GRM7: variants seen among roughly 807,000 people sequenced by gnomAD.
GRM7 encodes glutamate metabotropic receptor 7, also known as metabotropic glutamate receptor 7.
Under a neutral mutation model 84.5 loss-of-function variants are expected in GRM7, and 35 were observed. The observed-to-expected ratio is 0.41, with a 90% confidence interval of 0.32 to 0.55. The LOEUF is 0.55. GRM7 is among the 20% of genes least tolerant of loss of function. The pLI is 0.19. For synonymous variants in GRM7, 487 were observed against 455.1 expected, an observed-to-expected ratio of 1.07 and a Z score of -0.89; for missense variants, 1,003 against 1,194.6, an observed-to-expected ratio of 0.84 and a Z score of 2.36.
intron 3 of GRM7, among the ~76,000 whole-genome samples, chr3:7,301,873 A>G (rs1339143597): frequency 6.6e-6 from 1 of 152,130 alleles, no homozygotes; most frequent in Non-Finnish European, 1.5e-5. Flanking sequence ...GGAAAATTTG[A>G]GGTTTCTTGG....
chr3:7,345,170 T>C (rs1692834219), intron 4 of GRM7, among the ~76,000 whole-genome samples: 1 of 152,138 alleles, frequency 6.6e-6, no homozygotes, highest in Non-Finnish European at 1.5e-5. Context: ...AATTTTCCAT[T>C]ATAAATATCC....
chr3:7,640,279 C>T (rs17724199), intron 8 of GRM7, among the ~76,000 whole-genome samples: 23,789 of 152,134 alleles, frequency 0.16, 1,999 homozygotes, highest in Non-Finnish European at 0.18. Flanking sequence ...AACTACATGC[C>T]ACTGGGACAG....
intron 2 of GRM7, among the ~76,000 whole-genome samples, chr3:7,294,096 A>T (rs937744564): frequency 3.3e-5 from 5 of 152,194 alleles, no homozygotes; most frequent in African/African-American, 1.2e-4. Context: ...CCTGCGGGCA[A>T]TTCCCCGTAA....
At chr3:7,224,632 A>T (rs891441123) in intron 2 of GRM7, among the ~76,000 whole-genome samples, 1 of 152,220 alleles carries the variant, frequency 6.6e-6, no homozygotes, top group African/African-American at 2.4e-5. Flanking sequence ...AGAAAATTGT[A>T]TTCTTTCAAA....
At chr3:6,958,187 C>G (rs1038374183) in intron 1 of GRM7, among the ~76,000 whole-genome samples, 4 of 151,374 alleles carry the variant, frequency 2.6e-5, no homozygotes, top group African/African-American at 7.3e-5. Flanking sequence ...ATCTTTGTTA[C>G]TCTCTATATA....
At chr3:7,187,296 C>A (rs1185892400) in intron 2 of GRM7, among the ~76,000 whole-genome samples, 1 of 152,152 alleles carries the variant, frequency 6.6e-6, no homozygotes, top group Non-Finnish European at 1.5e-5. Context: ...TCATGAGACA[C>A]AATATTCCCT....
At chr3:7,694,327 C>CAAATT in intron 9 of GRM7, 1 of 436,290 alleles carries the variant, frequency 2.3e-6, no homozygotes, top group Non-Finnish European at 3.0e-6. Context: ...GGCGTCATCT[C>CAAATT]AAATTAACTG....
At chr3:7,495,105 G>A (rs1418583704) in intron 7 of GRM7, among the ~76,000 whole-genome samples, 1 of 152,072 alleles carries the variant, frequency 6.6e-6, no homozygotes, top group Non-Finnish European at 1.5e-5. Context: ...TTAAAATTTG[G>A]CATGTGGGTG....
In GRM7 at chr3:6,949,045, G is replaced by A. The variant is rs551816615; in HGVS notation, c.519+87138G>A. Among the ~76,000 whole-genome samples, 50 of 145,934 alleles carry A rather than the reference G, an allele frequency of 3.4e-4. 1 individual carries two copies. The East Asian group carries it at 0.01, about 30-fold the overall frequency. On this transcript the variant is annotated intron_variant, in intron 1 of 9. Coordinates refer to ENST00000357716, the MANE Select transcript of GRM7 (RefSeq NM_000844.4). ...CTGTGTCTTTTAATTGGAGCATTTA[G>A]CCCATTTACATTTAAGGTTAGTATT... is the stretch of plus-strand genomic sequence containing the variant.
chr3:7,414,886 A>T (rs1476958162), intron 4 of GRM7, 137 bp from the exon 5 acceptor site: 39 of 454,236 alleles, frequency 8.6e-5, no homozygotes, highest in East Asian at 1.6e-4. Context: ...CCTTCTGTTA[A>T]TTTTTTTTTT....
intron 2 of GRM7, among the ~76,000 whole-genome samples, chr3:7,292,564 A>G (rs1292912673): frequency 6.6e-6 from 1 of 152,160 alleles, no homozygotes; most frequent in African/African-American, 2.4e-5. Flanking sequence ...TTAGAATAGC[A>G]TCAACATGTA....
intron 7 of GRM7, among the ~76,000 whole-genome samples, chr3:7,565,700 G>A (rs1694226452): frequency 6.6e-6 from 1 of 152,156 alleles, no homozygotes; most frequent in African/African-American, 2.4e-5. Context: ...GATTAGACCT[G>A]CACATTAAAA....
intron 1 of GRM7, among the ~76,000 whole-genome samples, chr3:7,018,905 T>C (rs12107544): frequency 0.082 from 12,499 of 152,224 alleles, 1,716 homozygotes; most frequent in African/African-American, 0.28. Flanking sequence ...GAGACCAGCC[T>C]GGCCAGCATG....
chr3:7,697,279 T>C (rs1390847721), intron 9 of GRM7, among the ~76,000 whole-genome samples: 1 of 152,134 alleles, frequency 6.6e-6, no homozygotes. Flanking sequence ...TTATGTAACA[T>C]TTTATAGTTT....
intron 2 of GRM7, among the ~76,000 whole-genome samples, chr3:7,282,334 A>T (rs1244099980): frequency 6.6e-6 from 1 of 152,122 alleles, no homozygotes; most frequent in East Asian, 1.9e-4. Flanking sequence ...CCTCCTCGAA[A>T]CTCTTGAGAA....
chr3:7,455,315 A>G (rs968884234), intron 6 of GRM7, among the ~76,000 whole-genome samples: 2 of 152,294 alleles, frequency 1.3e-5, no homozygotes, highest in South Asian at 2.1e-4. Flanking sequence ...TGCTAAAAGT[A>G]TTGGGTTACA....
intron 4 of GRM7, among the ~76,000 whole-genome samples, chr3:7,309,423 G>A (rs536483175): frequency 6.6e-6 from 1 of 152,106 alleles, no homozygotes; most frequent in East Asian, 1.9e-4. Flanking sequence ...TTCCTGTTTT[G>A]CAGATGTTTC....
At chr3:7,570,011 T>C (rs1694561120) in intron 7 of GRM7, among the ~76,000 whole-genome samples, 1 of 152,076 alleles carries the variant, frequency 6.6e-6, no homozygotes, top group Non-Finnish European at 1.5e-5. Flanking sequence ...CAGGGGAAGT[T>C]CCATTTTTAA....
chr3:7,073,947 G>A (rs1381088721), intron 1 of GRM7, among the ~76,000 whole-genome samples: 4 of 148,682 alleles, frequency 2.7e-5, no homozygotes, highest in African/African-American at 1.0e-4. Flanking sequence ...AGATATAAAT[G>A]AGGATATTAA....
Sources: gnomAD v4.1 joint callset for allele counts (sites outside exome capture counted in the v4.1 genomes callset) on GRCh38, gnomAD v4.1.1 for gene constraint, MANE v1.5 for transcripts, NCBI Gene and HGNC (gene_info 2026-07-23, HGNC 2026-07-21) for gene names.